DSE: variants seen among roughly 807,000 people sequenced by gnomAD.
DSE encodes dermatan sulfate epimerase.
In DSE, 36 loss-of-function variants were observed where a neutral mutation model predicts 84.4. That is an observed-to-expected ratio of 0.43 (90% confidence interval 0.33 to 0.56). The LOEUF is 0.56. DSE is among the 20% of genes least tolerant of loss of function. DSE has a pLI of 0.06. For synonymous variants in DSE, 410 were observed against 430.1 expected (o/e 0.95, Z 0.58); for missense variants, 862 against 1,169.6 (o/e 0.74, Z 3.84).
At chr6:116,395,538 G>A (rs1364468990) in intron 1 of DSE, among the ~76,000 whole-genome samples, 1 of 152,010 alleles carries the variant, frequency 6.6e-6, no homozygotes, top group Non-Finnish European at 1.5e-5. Context: ...AGTTATTCAG[G>A]TACCACCTTC....
At position 116,279,647 on chromosome 6, in the gene DSE, G is replaced by A. The variant is rs3828743; in HGVS notation, c.-54+20680G>A. The A allele has an allele frequency of 0.27, 434,960 of 1,605,510 alleles. 66,446 individuals are homozygous for A. The highest frequency in any genetic ancestry group is 0.62 in the East Asian group (27,924 of 44,852). On this transcript the variant is annotated intron_variant, in intron 2 of 3. Coordinates refer to the DSE transcript ENST00000430252. ...ACGCCCCCCTCCTCTGAAGGCGGTG[G>A]AGGCGGGAGCGCGACGGTCTCCGAG...
chr6:116,314,401 A>G (rs1775855596), intron 2 of DSE, among the ~76,000 whole-genome samples: 1 of 152,178 alleles, frequency 6.6e-6, no homozygotes, highest in Non-Finnish European at 1.5e-5. Flanking sequence ...TTTAACCTTT[A>G]TAGTTATCTT....
At chr6:116,412,367 A>G (rs570461351) in intron 2 of DSE, 2 of 152,088 alleles carry the variant, frequency 1.3e-5, no homozygotes, top group African/African-American at 2.4e-5. Flanking sequence ...TCTGCCCTCT[A>G]CTTTGAACAT....
At chr6:116,434,448 A>C (rs1313056547) in intron 5 of DSE, among the ~76,000 whole-genome samples, 5 of 151,760 alleles carry the variant, frequency 3.3e-5, no homozygotes, top group Non-Finnish European at 7.4e-5. Context: ...TTTCATAGAT[A>C]AACTAAACAT....
chr6:116,361,458 A>T lies in DSE; in HGVS notation c.-53-37740A>T, dbSNP rs565278182. Among the ~76,000 whole-genome samples the T allele has an allele frequency of 5.0e-4, 76 of 152,276 alleles. 3 individuals carry two copies. In the South Asian group the frequency reaches 0.015, roughly 31 times the overall value. On this transcript the variant is annotated intron_variant, in intron 2 of 3. Transcript: ENST00000430252. ...ACAAAATAATCAGATTGTTTTCCAG[A>T]ATTATTCCTGGACTCACAATTTGTA...
At chr6:116,285,576 T>C (rs1773845159) in intron 2 of DSE, among the ~76,000 whole-genome samples, 1 of 152,226 alleles carries the variant, frequency 6.6e-6, no homozygotes, top group South Asian at 2.1e-4. Context: ...TTTGGTGTTT[T>C]AGTCATGAAA....
At chr6:116,273,886 A>G (rs75961685) in intron 2 of DSE, among the ~76,000 whole-genome samples, 2,731 of 142,722 alleles carry the variant, frequency 0.019, 92 homozygotes, top group African/African-American at 0.068. Flanking sequence ...CTGGAGTGCC[A>G]TGGCTCAATC....
chr6:116,360,684 C>T (rs1458028105), intron 2 of DSE, among the ~76,000 whole-genome samples: 1 of 152,206 alleles, frequency 6.6e-6, no homozygotes, highest in Non-Finnish European at 1.5e-5. Context: ...AAGTCAGATG[C>T]TCAAATACCA....
intron 2 of DSE, among the ~76,000 whole-genome samples, chr6:116,330,754 CT>C (rs1285620244): frequency 1.3e-5 from 2 of 152,126 alleles, no homozygotes; most frequent in Non-Finnish European, 2.9e-5. Flanking sequence ...GATTTTATGC[CT>C]TTTCAGAAAA....
At chr6:116,375,487 G>C in intron 1 of DSE, 2 of 978,668 alleles carry the variant, frequency 2.0e-6, no homozygotes, top group Non-Finnish European at 2.4e-6. Flanking sequence ...CTGGGCGACA[G>C]AGCAAGATCC....
chr6:116,417,981 T>C (rs979226643), intron 2 of DSE, among the ~76,000 whole-genome samples: 2 of 152,020 alleles, frequency 1.3e-5, no homozygotes, highest in African/African-American at 4.8e-5. Context: ...CAGAGGTGAA[T>C]AGGCATTTTA....
intron 2 of DSE, among the ~76,000 whole-genome samples, chr6:116,265,487 C>G (rs1344945436): frequency 1.3e-5 from 2 of 152,102 alleles, no homozygotes; most frequent in Non-Finnish European, 2.9e-5. Context: ...TCTGCCCATA[C>G]AGACGTGCTA....
chr6:116,287,315 C>A (rs1377705940), intron 2 of DSE, among the ~76,000 whole-genome samples: 2 of 152,040 alleles, frequency 1.3e-5, no homozygotes, highest in East Asian at 3.8e-4. Context: ...TTTATGAATA[C>A]CTTAACAATT....
Position 116,299,557 on chromosome 6 carries a change from TAC to T in DSE, c.-54+40606_-54+40607del, listed in dbSNP as rs1167347090. The stretch of plus-strand genomic sequence containing the variant: ...ATATATATATATATATATATACACA[TAC>T]ACACACACACACACATACATATATA... On this transcript the variant is annotated intron_variant, in intron 2 of 3. Transcript: ENST00000430252. Among the ~76,000 whole-genome samples the T allele has an allele frequency of 8.2e-4, 57 of 69,324 alleles. 1 individual carries two copies. Among genetic ancestry groups the T allele is most frequent in the South Asian group, 2.0e-3 (3 of 1,506 alleles). The allele number at this position is 69,324 out of a possible 152,430, so 45.5% of individuals were successfully genotyped here. A position where few individuals can be genotyped will look rare whatever the true frequency, so the allele number is the denominator to read the frequency against.
intron 2 of DSE, among the ~76,000 whole-genome samples, chr6:116,298,839 G>A (rs568665465): frequency 5.9e-5 from 9 of 152,252 alleles, no homozygotes; most frequent in Admixed American, 4.6e-4. Context: ...CATGGAAAAC[G>A]GAGCCATCCT....
intron 1 of DSE, among the ~76,000 whole-genome samples, chr6:116,396,459 T>C (rs1218186464): frequency 6.6e-6 from 1 of 152,224 alleles, no homozygotes; most frequent in African/African-American, 2.4e-5. Context: ...TAGATGATTG[T>C]TCTGCAGAAT....
At chr6:116,255,479 T>C (rs567350580) in intron 1 of DSE, 1 of 152,360 alleles carries the variant, frequency 6.6e-6, no homozygotes, top group African/African-American at 2.4e-5. Flanking sequence ...CAGAATGACC[T>C]CTTTACTGCC....
intron 2 of DSE, among the ~76,000 whole-genome samples, chr6:116,324,271 C>T (rs1458370795): frequency 6.6e-6 from 1 of 152,202 alleles, no homozygotes; most frequent in Non-Finnish European, 1.5e-5. Flanking sequence ...AGATTTTCCT[C>T]AGTTTTTGGC....
chr6:116,310,567 A>T (rs2114729879), intron 2 of DSE, among the ~76,000 whole-genome samples: 2 of 152,286 alleles, frequency 1.3e-5, no homozygotes, highest in East Asian at 3.9e-4. Flanking sequence ...TCAGGAAAAA[A>T]ACCAAGGAGT....
Sources: gnomAD v4.1 joint callset for allele counts (sites outside exome capture counted in the v4.1 genomes callset) on GRCh38, gnomAD v4.1.1 for gene constraint, MANE v1.5 for transcripts, NCBI Gene and HGNC (gene_info 2026-07-23, HGNC 2026-07-21) for gene names.